ARPP21: variants seen among roughly 807,000 people sequenced by gnomAD.
ARPP21 encodes cAMP regulated phosphoprotein 21, also known as cAMP-regulated phosphoprotein 21.
ARPP21 carries 69 observed loss-of-function variants against 113.2 expected under a neutral mutation model. That is an observed-to-expected ratio of 0.61 (90% CI 0.50 to 0.74). The LOEUF is 0.74. Ranked by LOEUF, ARPP21 falls within the 30% of genes least tolerant of loss-of-function variation. The pLI is 0.00. For missense variants in ARPP21, 1,070 were observed against 1,037.4 expected (o/e 1.03, Z -0.43); for synonymous variants, 368 against 375.5 (o/e 0.98, Z 0.23).
intron 19 of ARPP21, among the ~76,000 whole-genome samples, chr3:35,776,549 CCCTTTT>C (rs1448307998): frequency 9.2e-5 from 14 of 152,104 alleles, no homozygotes; most frequent in Non-Finnish European, 1.9e-4. Context: ...GCACTCAGCA[CCCTTTT>C]GCCCTAGGAT....
chr3:35,703,508 T>C (rs202160839), intron 9 of ARPP21, among the ~76,000 whole-genome samples: 179 of 152,082 alleles, frequency 1.2e-3, no homozygotes, highest in African/African-American at 4.0e-3. Context: ...CTACAAATTG[T>C]GGAAAAACAT....
intron 19 of ARPP21, among the ~76,000 whole-genome samples, chr3:35,790,920 A>T (rs1224987735): frequency 6.6e-6 from 1 of 152,204 alleles, no homozygotes; most frequent in Non-Finnish European, 1.5e-5. Context: ...AGCTTTTTAG[A>T]TTACACACTG....
chr3:35,729,122 G>A (rs78631596), intron 14 of ARPP21, among the ~76,000 whole-genome samples, 181 bp from the exon 15 acceptor site: 1,925 of 152,192 alleles, frequency 0.013, 44 homozygotes, highest in African/African-American at 0.044. Flanking sequence ...AAAATAAGTA[G>A]CAAATATTTC....
intron 13 of ARPP21, among the ~76,000 whole-genome samples, chr3:35,721,022 T>C (rs1173494966): frequency 6.6e-6 from 1 of 152,246 alleles, no homozygotes. Flanking sequence ...GCAAAATTCT[T>C]ACCATAGGTT....
intron 1 of ARPP21, among the ~76,000 whole-genome samples, chr3:35,662,322 G>A (rs1472651536): frequency 1.3e-5 from 2 of 152,188 alleles, no homozygotes; most frequent in Non-Finnish European, 2.9e-5. Context: ...GCTAACAATG[G>A]CTTAAAGCAA....
At chr3:35,681,925 A>G in intron 3 of ARPP21, 45 bp downstream of exon 3, 4 of 1,571,570 alleles carry the variant, frequency 2.5e-6, no homozygotes, top group Non-Finnish European at 2.6e-6. Context: ...AACTGTGTGC[A>G]GCTCCCTTCT....
chr3:35,692,101 G>C (rs1457445541), intron 9 of ARPP21, among the ~76,000 whole-genome samples: 1 of 151,408 alleles, frequency 6.6e-6, no homozygotes, highest in East Asian at 2.0e-4. Context: ...TAATATCTCA[G>C]GGACAATGAG....
chr3:35,668,031 A>AGAAGAC (rs1559550942), intron 1 of ARPP21, among the ~76,000 whole-genome samples: 1 of 145,632 alleles, frequency 6.9e-6, no homozygotes, highest in Non-Finnish European at 1.5e-5. Context: ...AAGAAGAAGA[A>AGAAGAC]GGAGAAGAAG....
At position 35,739,323 on chromosome 3, in the gene ARPP21, G is replaced by A. The variant is rs767156437; in HGVS notation, c.1756G>A (p.Asp586Asn). ...SPTQHFPMRD[D>N]VATQFGQMTL... is the part of the protein sequence containing the mutation. ...TTATTTCCATGACTTGCAGAGAGAT[G>A]ATGTGGCAACACAGTTTGGCCAGAT... Residue 586 changes from aspartate (D) to asparagine (N), a missense_variant, in exon 18 of 21, where the codon GAT becomes AAT. Coordinates refer to ENST00000684406, the MANE Select transcript of ARPP21 (RefSeq NM_001385562.1). 1 of 1,613,808 alleles carries A rather than the reference G, an allele frequency of 6.2e-7. No homozygotes were observed.
chr3:35,791,779 CAGA>C (rs2096752904), intron 19 of ARPP21, among the ~76,000 whole-genome samples: 2 of 152,096 alleles, frequency 1.3e-5, no homozygotes, highest in Admixed American at 6.5e-5. Flanking sequence ...AGTGGTGAAA[CAGA>C]AGAAAAGCAT....
intron 1 of ARPP21, among the ~76,000 whole-genome samples, chr3:35,649,881 T>C (rs570865551): frequency 6.6e-6 from 1 of 152,258 alleles, no homozygotes; most frequent in South Asian, 2.1e-4. Context: ...ATAAAAATAA[T>C]CTTGTTTGAA....
intron 19 of ARPP21, among the ~76,000 whole-genome samples, chr3:35,762,715 A>G (rs1474265594): frequency 6.6e-6 from 1 of 152,098 alleles, no homozygotes; most frequent in Admixed American, 6.6e-5. Flanking sequence ...AAATGGTTCA[A>G]AAAGGAGGGT....
intron 19 of ARPP21, among the ~76,000 whole-genome samples, chr3:35,776,078 AT>A (rs1340455081): frequency 5.1e-4 from 78 of 152,308 alleles, no homozygotes; most frequent in African/African-American, 1.9e-3. Flanking sequence ...TATAAATCAT[AT>A]TTTTACATAA....
chr3:35,748,112 A>AAG (rs767137400), intron 19 of ARPP21, among the ~76,000 whole-genome samples: 3 of 94,152 alleles, frequency 3.2e-5, no homozygotes, highest in African/African-American at 5.3e-5. Context: ...GAAAGAAAGA[A>AAG]GAAAGAAAGA....
intron 11 of ARPP21, among the ~76,000 whole-genome samples, chr3:35,713,177 G>C (rs1370698454): frequency 1.3e-5 from 2 of 152,116 alleles, no homozygotes; most frequent in African/African-American, 4.8e-5. Context: ...TGACAGCTTT[G>C]AATGTTGCAC....
intron 1 of ARPP21, among the ~76,000 whole-genome samples, chr3:35,658,231 G>T (rs1478456547): frequency 6.6e-6 from 1 of 152,018 alleles, no homozygotes; most frequent in Non-Finnish European, 1.5e-5. Context: ...TGAGAACTGT[G>T]TTTGAATAAT....
At chr3:35,715,555 T>A in intron 12 of ARPP21, 79 bp downstream of exon 12, 1 of 1,150,500 alleles carries the variant, frequency 8.7e-7, no homozygotes, top group Non-Finnish European at 1.3e-6. Flanking sequence ...TAAATATATA[T>A]CCCATATATG....
At chr3:35,660,250 G>A (rs541822565) in intron 1 of ARPP21, among the ~76,000 whole-genome samples, 1 of 152,138 alleles carries the variant, frequency 6.6e-6, no homozygotes, top group South Asian at 2.1e-4. Context: ...AGAACACAGG[G>A]GGCTGGTCTA....
chr3:35,792,993 G>A (rs1335918180), intron 20 of ARPP21, among the ~76,000 whole-genome samples: 1 of 152,016 alleles, frequency 6.6e-6, no homozygotes, highest in Non-Finnish European at 1.5e-5. Flanking sequence ...TACATTCTCT[G>A]GACTAAACCC....
Sources: gnomAD v4.1 joint callset for allele counts (sites outside exome capture counted in the v4.1 genomes callset) on GRCh38, gnomAD v4.1.1 for gene constraint, MANE v1.5 for transcripts, NCBI Gene and HGNC (gene_info 2026-07-23, HGNC 2026-07-21) for gene names.